Variants in NLRC5 observed in about 807,000 individuals in gnomAD.
The protein encoded by NLRC5 is NLR family CARD domain containing 5.
NLRC5 carries 114 observed loss-of-function variants against 206.9 expected under a neutral mutation model. The observed-to-expected ratio is 0.55, with a 90% CI of 0.47 to 0.64. The LOEUF (loss-of-function observed/expected upper bound fraction) is 0.64, where lower values mean the gene tolerates loss of function less well. Ranked by LOEUF, NLRC5 falls within the 30% of genes least tolerant of loss-of-function variation. The pLI, the probability that NLRC5 is intolerant of heterozygous loss-of-function variation, is 0.00. For missense variants in NLRC5, 2,008 were observed against 2,305.5 expected, an observed-to-expected ratio of 0.87 and a Z score of 2.64; for synonymous variants, 952 against 962.8, an observed-to-expected ratio of 0.99 and a Z score of 0.21.
At chr16:57,003,167 C>A (rs1394150719) in intron 1 of NLRC5, among the ~76,000 whole-genome samples, 1 of 152,100 alleles carries the variant, frequency 6.6e-6, no homozygotes, top group African/African-American at 2.4e-5. Context: ...TCAAGCTATT[C>A]TCCCACCTCA....
intron 21 of NLRC5, among the ~76,000 whole-genome samples, chr16:57,046,029 G>A (rs1293616618): frequency 6.6e-6 from 1 of 152,206 alleles, no homozygotes; most frequent in Non-Finnish European, 1.5e-5. Context: ...GACAGGGTGG[G>A]CCCATGTGCA....
At position 57,028,110 on chromosome 16, in the gene NLRC5, C is replaced by A; in HGVS notation, c.2114C>A (p.Ala705Asp). Residue 705 changes from alanine to aspartate, a missense_variant, in exon 7 of 49, where the codon GCC (alanine) becomes GAC (aspartate). Coordinates refer to ENST00000688547, the MANE Select transcript of NLRC5 (RefSeq NM_001384950.1). ...AAGTGTGGGGATGCCTTTGCAGAAG[C>A]CCTCTCCAGGAGCTTGCCGACAATG... is the stretch of plus-strand genomic sequence containing the variant. ...SRKCGDAFAE[A>D]LSRSLPTMGR... 6.2e-7 allele frequency: 1 copy of A among 1,613,758 alleles called. No homozygotes were observed. The highest frequency in any genetic ancestry group is 8.5e-7 in the Non-Finnish European group (1 of 1,179,862).
chr16:57,014,953 G>T (rs2059891919), intron 1 of NLRC5, among the ~76,000 whole-genome samples: 1 of 151,614 alleles, frequency 6.6e-6, no homozygotes, highest in Non-Finnish European at 1.5e-5. Context: ...GTTTGAGATG[G>T]AGTCTTGCTC....
rs751484643 is a variant in NLRC5, at chr16:57,040,665, C to T, written c.2886C>T (p.Asp962=). 3 of 1,614,074 alleles carry T rather than the reference C, an allele frequency of 1.9e-6. No individual in the cohort carries two copies. In the African/African-American group the frequency reaches 4.0e-5, roughly 22 times the overall value. Residue 962 remains aspartate, a synonymous_variant, in exon 17 of 49, where the codon GAC becomes GAT. Transcript: ENST00000688547. ...GTCCCTCCAGGGCTGCATTTCTTGACAGCCTCATGCTCCAGATGCCCTCTG... is the reference window on the plus strand; with the variant it reads ...GTCCCTCCAGGGCTGCATTTCTTGATAGCCTCATGCTCCAGATGCCCTCTG... ...KGPQERAAFL[D]SLMLQMPSEL...
intron 44 of NLRC5, 39 bp downstream of exon 44, chr16:57,079,172 C>T (rs755154332): frequency 1.2e-6 from 2 of 1,613,732 alleles, no homozygotes; most frequent in African/African-American, 1.3e-5. Flanking sequence ...GGGGACAGTC[C>T]TGGGCGGGTC....
At chr16:56,990,081 A>G (rs1254801761) in intron 1 of NLRC5, among the ~76,000 whole-genome samples, 13 of 152,332 alleles carry the variant, frequency 8.5e-5, no homozygotes, top group African/African-American at 3.1e-4. Flanking sequence ...TTCCAAACAT[A>G]TACAATAGTA....
chr16:57,035,143 C>T (rs949624817), intron 13 of NLRC5, among the ~76,000 whole-genome samples: 11 of 152,180 alleles, frequency 7.2e-5, no homozygotes, highest in African/African-American at 2.2e-4. Context: ...CGCCTGGTTA[C>T]GCAGCCACCT....
chr16:57,058,582 A>G, intron 28 of NLRC5: 1 of 319,574 alleles, frequency 3.1e-6, no homozygotes. Context: ...AGTCATCCAC[A>G]TGGTTGCCCC....
In NLRC5 at chr16:57,020,850, G is replaced by C. The variant is rs761583329; in HGVS notation, c.138G>C (p.Glu46Asp). 1.1e-5 allele frequency: 17 copies of C among 1,613,596 alleles called. No homozygotes were observed. The highest frequency in any genetic ancestry group is 1.4e-5 in the Non-Finnish European group (17 of 1,179,964). Residue 46 changes from glutamate (E) to aspartate (D), a missense_variant, in exon 3 of 49, where the codon GAG becomes GAC. Physicochemically the swap from Glu to Asp is conservative, Grantham distance 45. Coordinates refer to ENST00000688547, the MANE Select transcript of NLRC5 (RefSeq NM_001384950.1). ...ACACGGACCTGGATTCCAGGAACGA[G>C]ACCTTGGACCCTGAACAGAGAGTCA... ...LPNTDLDSRN[E>D]TLDPEQRVIL...
At chr16:57,077,839 C>T (rs765422474) in intron 42 of NLRC5, 37 bp downstream of exon 42, 2 of 1,586,148 alleles carry the variant, frequency 1.3e-6, no homozygotes, top group Non-Finnish European at 8.6e-7. Context: ...CCCTCTGTGC[C>T]CCCCAGGTCC....
intron 1 of NLRC5, among the ~76,000 whole-genome samples, chr16:57,003,047 G>GTGTTTGTTTGTTTGTTTGTTTGTT (rs141689188): frequency 1.1e-4 from 17 of 150,030 alleles, no homozygotes; most frequent in African/African-American, 4.2e-4. Flanking sequence ...ATAGATTGAG[G>GTGTTTGTTTGTTTGTTTGTTTGTT]TGTTTGTTTG....
At chr16:57,005,929 A>G (rs1463135915) in intron 1 of NLRC5, among the ~76,000 whole-genome samples, 5 of 151,816 alleles carry the variant, frequency 3.3e-5, no homozygotes, top group Non-Finnish European at 4.4e-5. Flanking sequence ...CAAAAAAAAA[A>G]GGAAAAAAAA....
chr16:56,992,235 A>T (rs1421306694), intron 1 of NLRC5: 1 of 152,196 alleles, frequency 6.6e-6, no homozygotes, highest in Non-Finnish European at 1.5e-5. Context: ...AAGAAATCTC[A>T]GTTGTTTTAA....
chr16:57,049,733 CAAATAAATAAATAAAT>C (rs141407636), intron 23 of NLRC5, among the ~76,000 whole-genome samples: 6 of 145,192 alleles, frequency 4.1e-5, no homozygotes, highest in Non-Finnish European at 6.0e-5. Context: ...GACTCTGTCT[CAAATAAATAAATAAAT>C]AAATAAATAA....
Position 57,041,570 on chromosome 16 carries a change from C to G in NLRC5, c.3025C>G (p.Leu1009Val). 1 of 1,613,802 alleles carries G rather than the reference C, an allele frequency of 6.2e-7. No homozygotes were observed. The highest frequency in any genetic ancestry group is 8.5e-7 in the Non-Finnish European group (1 of 1,179,714). Residue 1009 changes from leucine to valine, a missense_variant, in exon 18 of 49, where the codon CTC becomes GTC. Leu to Val is a conservative substitution (Grantham distance 32). Coordinates refer to ENST00000688547, the MANE Select transcript of NLRC5 (RefSeq NM_001384950.1). ...GGSCHLGHLH[L>V]DFSGNALGDE... ...AAGCTGCCACCTCGGTCACCTCCAC[C>G]TCGAGTGAGTGGTTTGTGTGTTGGA...
In NLRC5 at chr16:56,994,329, T is replaced by A. The variant is rs527495833; in HGVS notation, c.-128+4712T>A. Reference sequence around the variant, plus strand: ...TTTCGGTGAGTCCAGGAATGCCCTCTGCTCCGTGTGAGGCAGGTACCAGCA... The same window carrying A: ...TTTCGGTGAGTCCAGGAATGCCCTCAGCTCCGTGTGAGGCAGGTACCAGCA... On this transcript the variant is annotated intron_variant, in intron 1 of 48. Coordinates refer to ENST00000688547, the MANE Select transcript of NLRC5 (RefSeq NM_001384950.1). Among the ~76,000 whole-genome samples the A allele has an allele frequency of 5.9e-5, 9 of 152,312 alleles. No individual in the cohort carries two copies. The South Asian group carries it at 1.7e-3, about 28-fold the overall frequency.
Position 57,028,043 on chromosome 16 carries a change from C to G in NLRC5, c.2076-29C>G, listed in dbSNP as rs199475978. ...TTCTCAGCTCTGCCCAGCACTGATC[C>G]TCTGACACTTCGCTTCTTCTTATGG... On this transcript the variant is annotated intron_variant, in intron 6 of 48. Transcript: ENST00000688547. The G allele has an allele frequency of 9.5e-6, 15 of 1,572,704 alleles. No homozygotes were observed. The African/African-American group carries it at 2.0e-4, about 21-fold the overall frequency.
At chr16:57,014,927 C>CTT (rs11413193) in intron 1 of NLRC5, among the ~76,000 whole-genome samples, 6,054 of 146,478 alleles carry the variant, frequency 0.041, 376 homozygotes, top group African/African-American at 0.13. Context: ...TTCCTTTTTC[C>CTT]TTTTTTTTTT....
chr16:57,013,209 C>A, intron 1 of NLRC5: 1 of 457,440 alleles, frequency 2.2e-6, no homozygotes, highest in Non-Finnish European at 4.2e-6. Context: ...TTAAAGGTTG[C>A]GAACAGTATC....
Sources: allele counts gnomAD v4.1 joint callset (sites outside exome capture counted in the v4.1 genomes callset), GRCh38; gene constraint gnomAD v4.1.1; transcripts MANE v1.5; gene names NCBI Gene and HGNC (gene_info 2026-07-23, HGNC 2026-07-21).